The following RPS6KA5 variants were observed in gnomAD, a reference collection of about 807,000 sequenced individuals.
RPS6KA5 encodes the protein ribosomal protein S6 kinase A5.
In RPS6KA5, 27 loss-of-function variants were observed where a neutral mutation model predicts 85.5. The ratio of observed to expected loss-of-function variants is 0.32; its 90% CI spans 0.23 to 0.44. RPS6KA5 has a LOEUF of 0.44. RPS6KA5 is among the 20% of genes least tolerant of loss of function. RPS6KA5 has a pLI of 1.00. For missense variants in RPS6KA5, 811 were observed against 980.9 expected, an observed-to-expected ratio of 0.83 and a Z score of 2.31; for synonymous variants, 334 against 348.2, an observed-to-expected ratio of 0.96 and a Z score of 0.46.
intron 5 of RPS6KA5, among the ~76,000 whole-genome samples, chr14:90,939,437 T>C (rs1269449566): frequency 1.3e-5 from 2 of 152,162 alleles, no homozygotes; most frequent in Non-Finnish European, 2.9e-5. Context: ...AGCACCCCAC[T>C]CGTGGTACCA....
intron 1 of RPS6KA5, among the ~76,000 whole-genome samples, chr14:91,047,192 T>C (rs1053632990): frequency 2.6e-5 from 4 of 152,214 alleles, no homozygotes; most frequent in African/African-American, 7.2e-5. Flanking sequence ...CCAGAAAAGA[T>C]GTAAGGCAAA....
At chr14:90,899,492 C>G in intron 11 of RPS6KA5, 70 bp from the exon 12 acceptor site, 1 of 990,332 alleles carries the variant, frequency 1.0e-6, no homozygotes, top group South Asian at 1.3e-5. Context: ...TGCCCCAAGA[C>G]TAATTTTGTC....
At chr14:90,890,745 A>G (rs960870322) in intron 13 of RPS6KA5, 67 bp from the exon 14 acceptor site, 2 of 1,397,264 alleles carry the variant, frequency 1.4e-6, no homozygotes, top group Non-Finnish European at 2.0e-6. Flanking sequence ...GGTACTATTT[A>G]TGTAACACTT....
At chr14:90,920,339 G>C in intron 6 of RPS6KA5, 30 bp from the exon 7 acceptor site, 1 of 1,359,028 alleles carries the variant, frequency 7.4e-7, no homozygotes, top group Non-Finnish European at 1.0e-6. Context: ...TCATTTTATA[G>C]AATTATCAAC....
At chr14:90,971,704 T>C (rs1166362479) in intron 3 of RPS6KA5, among the ~76,000 whole-genome samples, 1 of 152,200 alleles carries the variant, frequency 6.6e-6, no homozygotes, top group Admixed American at 6.5e-5. Context: ...TCAAGAAGTC[T>C]ACAGTGAGCC....
At chr14:90,986,371 A>T (rs2040054367) in intron 2 of RPS6KA5, among the ~76,000 whole-genome samples, 1 of 152,086 alleles carries the variant, frequency 6.6e-6, no homozygotes, top group Non-Finnish European at 1.5e-5. Context: ...TGAAATGGTG[A>T]CTTGGTCATC....
At chr14:90,962,747 T>C (rs1472595971) in intron 3 of RPS6KA5, among the ~76,000 whole-genome samples, 1 of 152,240 alleles carries the variant, frequency 6.6e-6, no homozygotes, top group Non-Finnish European at 1.5e-5. Context: ...AGAATCCCTA[T>C]ATGCTCATTA....
At chr14:90,882,027 T>C (rs2033875908) in intron 14 of RPS6KA5, among the ~76,000 whole-genome samples, 1 of 152,242 alleles carries the variant, frequency 6.6e-6, no homozygotes, top group Non-Finnish European at 1.5e-5. Flanking sequence ...TGCTATGTGT[T>C]TTCTATATGC....
At chr14:91,034,032 G>A (rs185756792) in intron 1 of RPS6KA5, among the ~76,000 whole-genome samples, 8 of 152,168 alleles carry the variant, frequency 5.3e-5, no homozygotes, top group East Asian at 1.9e-4. Context: ...TAGGCCAGGC[G>A]CAGTGGTTCA....
chr14:90,885,767 A>AAAAAAAAAAAAAAG (rs1566690698), intron 14 of RPS6KA5, among the ~76,000 whole-genome samples: 20 of 139,974 alleles, frequency 1.4e-4, no homozygotes, highest in African/African-American at 4.9e-4. Flanking sequence ...AAAAAAAAAA[A>AAAAAAAAAAAAAAG]AAAAAAGAAA....
intron 3 of RPS6KA5, among the ~76,000 whole-genome samples, chr14:90,952,739 TACA>T (rs1229768803): frequency 1.3e-5 from 2 of 152,264 alleles, no homozygotes; most frequent in Non-Finnish European, 2.9e-5. Context: ...ACCATATTCC[TACA>T]ACAAGACTGA....
intron 5 of RPS6KA5, among the ~76,000 whole-genome samples, chr14:90,941,220 A>AT (rs998933521): frequency 2.0e-5 from 3 of 151,906 alleles, no homozygotes; most frequent in Admixed American, 6.5e-5. Context: ...TCACAAAACT[A>AT]TTTTTTTTAA....
intron 14 of RPS6KA5, among the ~76,000 whole-genome samples, chr14:90,879,447 A>G (rs2033684727): frequency 6.6e-6 from 1 of 152,218 alleles, no homozygotes; most frequent in African/African-American, 2.4e-5. Context: ...GGCTCAGGAT[A>G]ATACCTTGTG....
At chr14:90,987,897 T>C (rs1174298717) in intron 2 of RPS6KA5, among the ~76,000 whole-genome samples, 1 of 152,238 alleles carries the variant, frequency 6.6e-6, no homozygotes, top group East Asian at 1.9e-4. Context: ...TAACTCTGCA[T>C]TACATGAAGA....
chr14:91,060,210 C>CCCAGGCCCGCCCCT (rs2043591059), intron 1 of RPS6KA5, 122 bp downstream of exon 1: 1 of 960,980 alleles, frequency 1.0e-6, no homozygotes, highest in Admixed American at 6.3e-5. Context: ...GACGCCCCGC[C>CCCAGGCCCGCCCCT]CCAGGCCCGC....
At chr14:90,964,786 G>T (rs2038973844) in intron 3 of RPS6KA5, among the ~76,000 whole-genome samples, 1 of 151,568 alleles carries the variant, frequency 6.6e-6, no homozygotes, top group Non-Finnish European at 1.5e-5. Flanking sequence ...GTGGTGGTGT[G>T]CACCTATAGT....
At chr14:90,987,050 C>A (rs932668416) in intron 2 of RPS6KA5, among the ~76,000 whole-genome samples, 2 of 152,170 alleles carry the variant, frequency 1.3e-5, no homozygotes, top group African/African-American at 4.8e-5. Flanking sequence ...TCATTTGACA[C>A]CTTCATATGG....
At chr14:90,993,813 A>G (rs2040405453) in intron 2 of RPS6KA5, among the ~76,000 whole-genome samples, 1 of 152,076 alleles carries the variant, frequency 6.6e-6, no homozygotes, top group Non-Finnish European at 1.5e-5. Flanking sequence ...GTAAACTCCC[A>G]GCTATTATTT....
intron 3 of RPS6KA5, among the ~76,000 whole-genome samples, chr14:90,968,318 T>C (rs865871078): frequency 7.9e-5 from 12 of 152,132 alleles, no homozygotes; most frequent in African/African-American, 2.7e-4. Flanking sequence ...CTCTTCCTAT[T>C]GTGTAAGGAC....
Sources: gnomAD v4.1 joint callset for allele counts (sites outside exome capture counted in the v4.1 genomes callset) on GRCh38, gnomAD v4.1.1 for gene constraint, MANE v1.5 for transcripts, NCBI Gene and HGNC (gene_info 2026-07-23, HGNC 2026-07-21) for gene names.